CNST: variants seen among roughly 807,000 people sequenced by gnomAD.
The protein encoded by CNST is consortin, connexin sorting protein, also known as consortin.
CNST carries 39 observed loss-of-function variants against 72.4 expected under a neutral mutation model. The observed-to-expected ratio is 0.54, with a 90% CI of 0.42 to 0.70. The LOEUF is 0.70. CNST is among the 30% of genes least tolerant of loss of function. CNST has a pLI of 0.00. For synonymous variants in CNST, 332 were observed against 320.1 expected (o/e 1.04, Z -0.40); for missense variants, 871 against 868.5 (o/e 1.00, Z -0.04).
At chr1:246,627,930 A>ATAT (rs1664543964) in intron 3 of CNST, among the ~76,000 whole-genome samples, 1 of 151,564 alleles carries the variant, frequency 6.6e-6, no homozygotes. Context: ...TTATATATAT[A>ATAT]AAGGGGAGTT....
chr1:246,592,004 C>A, intron 2 of CNST, 63 bp downstream of exon 2: 1 of 1,313,054 alleles, frequency 7.6e-7, no homozygotes. Flanking sequence ...TCCTTCCCTC[C>A]CATACTGTGT....
intron 2 of CNST, among the ~76,000 whole-genome samples, chr1:246,599,342 A>G (rs781594825): frequency 3.9e-5 from 6 of 152,190 alleles, no homozygotes; most frequent in Non-Finnish European, 8.8e-5. Context: ...TACTGGGCTA[A>G]CATCAAGGTG....
intron 3 of CNST, 35 bp from the exon 4 acceptor site, chr1:246,631,854 GTTAAT>G (rs1211786669): frequency 8.1e-7 from 1 of 1,232,262 alleles, no homozygotes; most frequent in African/African-American, 1.5e-5. Context: ...TCATCCAAGT[GTTAAT>G]TTAATTTTCT....
At chr1:246,584,431 A>G (rs1289486748) in intron 1 of CNST, among the ~76,000 whole-genome samples, 1 of 152,160 alleles carries the variant, frequency 6.6e-6, no homozygotes, top group Non-Finnish European at 1.5e-5. Context: ...TGCAGTCAAG[A>G]ATAAAGAGGG....
chr1:246,629,822 C>G (rs1175421606), intron 3 of CNST, among the ~76,000 whole-genome samples: 1 of 152,172 alleles, frequency 6.6e-6, no homozygotes, highest in African/African-American at 2.4e-5. Flanking sequence ...ACCTCTACCT[C>G]CCAGGTTCAA....
chr1:246,652,089 A>G (rs1246832242), intron 9 of CNST, among the ~76,000 whole-genome samples: 1 of 152,218 alleles, frequency 6.6e-6, no homozygotes, highest in Non-Finnish European at 1.5e-5. Context: ...ATGAAATTGT[A>G]TTATAATACC....
rs1354342003 is a variant in CNST at position 246,663,317 on chromosome 1, C to T, written c.1973-2383C>T. 3.6e-5 allele frequency among the ~76,000 whole-genome samples: 5 copies of T among 140,776 alleles called. No homozygotes were observed. The South Asian group carries it at 1.1e-3, about 31-fold the overall frequency. The allele number at this position is 140,776 out of a possible 152,430, so 92.4% of individuals were successfully genotyped here. ...GGCTGCAGTGAGTGTGGCCTGGTGA[C>T]AGAGCACAACCCTATGTCTAAAAAA... On this transcript the variant is annotated intron_variant, in intron 10 of 10. Coordinates refer to ENST00000366513, the MANE Select transcript of CNST (RefSeq NM_152609.3).
chr1:246,574,235 A>G (rs903726892), intron 1 of CNST, among the ~76,000 whole-genome samples: 1 of 151,826 alleles, frequency 6.6e-6, no homozygotes, highest in Non-Finnish European at 1.5e-5. Flanking sequence ...TAGAGACGGG[A>G]TTTCACCGTG....
chr1:246,579,997 G>A (rs1407090092), intron 1 of CNST, among the ~76,000 whole-genome samples: 3 of 152,172 alleles, frequency 2.0e-5, no homozygotes, highest in Non-Finnish European at 2.9e-5. Flanking sequence ...TATTTGCACT[G>A]AGAAGGGAAT....
intron 4 of CNST, 54 bp from the exon 5 acceptor site, chr1:246,633,870 A>G: frequency 2.5e-6 from 3 of 1,191,964 alleles, no homozygotes; most frequent in Non-Finnish European, 2.5e-6. Context: ...TTCTTCAAAT[A>G]TGGGAATAAT....
chr1:246,626,881 G>A (rs941137799), intron 3 of CNST, among the ~76,000 whole-genome samples: 2 of 152,092 alleles, frequency 1.3e-5, no homozygotes, highest in Non-Finnish European at 2.9e-5. Flanking sequence ...TGCTTTCCTA[G>A]TCTTACCTCT....
At chr1:246,628,251 C>T (rs1453630775) in intron 3 of CNST, among the ~76,000 whole-genome samples, 1 of 152,142 alleles carries the variant, frequency 6.6e-6, no homozygotes, top group African/African-American at 2.4e-5. Flanking sequence ...CACAGACACA[C>T]CCAGGATCAA....
intron 9 of CNST, among the ~76,000 whole-genome samples, chr1:246,658,929 T>C (rs1015416227): frequency 6.6e-6 from 1 of 152,222 alleles, no homozygotes; most frequent in Non-Finnish European, 1.5e-5. Flanking sequence ...CTCTTCCTTC[T>C]TCCTGCACCT....
Position 246,591,583 on chromosome 1 carries a change from T to A in CNST, c.21T>A (p.Pro7=). The change falls in exon 2 of 11, where the codon CCT becomes CCA. Residue 7 remains proline, a synonymous_variant. Coordinates refer to ENST00000366513, the MANE Select transcript of CNST (RefSeq NM_152609.3). ...CTCTAATGGATGACAGCGATACTCC[T>A]ACATATTATCTGCAAATAGAACCAC... The part of the protein sequence containing the change: MDDSDT[P]TYYLQIEPQD... The A allele has an allele frequency of 6.2e-7, 1 of 1,613,998 alleles. No homozygotes were observed. The highest frequency in any genetic ancestry group is 8.5e-7 in the Non-Finnish European group (1 of 1,179,846).
intron 1 of CNST, among the ~76,000 whole-genome samples, chr1:246,575,780 T>G (rs746589810): frequency 3.3e-5 from 5 of 152,060 alleles, no homozygotes; most frequent in Non-Finnish European, 7.4e-5. Context: ...AAATACAAGT[T>G]TATCATAGAA....
In CNST at chr1:246,634,570, T is replaced by C. The variant is rs1296690357; in HGVS notation, c.801T>C (p.Ile267=). ...NGEDFERLTK[I]CATHQDPLLS... Reference sequence around the variant, plus strand: ...AAGATTTTGAACGGCTTACGAAAATTTGTGCAACACATCAAGAGTAAGTAT... The same window carrying C: ...AAGATTTTGAACGGCTTACGAAAATCTGTGCAACACATCAAGAGTAAGTAT... Residue 267 remains isoleucine, a synonymous_variant, in exon 6 of 11, where the codon ATT becomes ATC. Coordinates refer to ENST00000366513, the MANE Select transcript of CNST (RefSeq NM_152609.3). The C allele has an allele frequency of 1.3e-6, 2 of 1,598,588 alleles. No individual in the cohort carries two copies. Among genetic ancestry groups the C allele is most frequent in the East Asian group, 2.2e-5 (1 of 44,692 alleles).
intron 2 of CNST, among the ~76,000 whole-genome samples, chr1:246,595,972 G>A (rs1040370334): frequency 4.6e-5 from 7 of 152,074 alleles, no homozygotes; most frequent in Non-Finnish European, 7.4e-5. Flanking sequence ...TTTGCTGGAG[G>A]CAGTATTTGT....
chr1:246,630,716 A>G (rs1405366232), intron 3 of CNST, among the ~76,000 whole-genome samples: 1 of 152,096 alleles, frequency 6.6e-6, no homozygotes. Context: ...TACTAGAGAC[A>G]ATCTGTGGAA....
At chr1:246,569,374 A>G (rs1162397836) in intron 1 of CNST, among the ~76,000 whole-genome samples, 1 of 152,210 alleles carries the variant, frequency 6.6e-6, no homozygotes, top group Non-Finnish European at 1.5e-5. Context: ...TCAAGTGCTC[A>G]ACAGTCACAT....
Sources: gnomAD v4.1 joint callset for allele counts (sites outside exome capture counted in the v4.1 genomes callset) on GRCh38, gnomAD v4.1.1 for gene constraint, MANE v1.5 for transcripts, NCBI Gene and HGNC (gene_info 2026-07-23, HGNC 2026-07-21) for gene names.